The following LTBP1 variants were observed in gnomAD, a reference collection of about 807,000 sequenced individuals.
The protein encoded by LTBP1 is latent transforming growth factor beta binding protein 1, also known as latent-transforming growth factor beta-binding protein 1.
Under a neutral mutation model 207.6 loss-of-function variants are expected in LTBP1, and 129 were observed. The observed-to-expected ratio is 0.62, with a 90% CI of 0.54 to 0.72. LTBP1 has a LOEUF of 0.72. LTBP1 is among the 30% of genes least tolerant of loss of function. LTBP1 has a pLI of 0.00. For missense variants in LTBP1, 2,281 were observed against 2,217.2 expected, an observed-to-expected ratio of 1.03 and a Z score of -0.58; for synonymous variants, 963 against 833.7, an observed-to-expected ratio of 1.16 and a Z score of -2.67.
intron 5 of LTBP1, among the ~76,000 whole-genome samples, chr2:33,165,615 G>A (rs2084845535): frequency 2.0e-5 from 3 of 152,154 alleles, no homozygotes; most frequent in African/African-American, 7.2e-5. Flanking sequence ...CTCCCAGTAT[G>A]GGGACCTTCT....
At chr2:33,051,389 C>A (rs758556765) in intron 3 of LTBP1, among the ~76,000 whole-genome samples, 1 of 151,980 alleles carries the variant, frequency 6.6e-6, no homozygotes, top group Admixed American at 6.6e-5. Context: ...TTAACTCCAA[C>A]CTGGGTTTCA....
intron 2 of LTBP1, among the ~76,000 whole-genome samples, chr2:32,974,963 T>C (rs537764049): frequency 6.6e-6 from 1 of 152,206 alleles, no homozygotes; most frequent in East Asian, 1.9e-4. Flanking sequence ...GTAGTTGCTT[T>C]ATAGTGTCAA....
intron 24 of LTBP1, among the ~76,000 whole-genome samples, chr2:33,331,915 A>T (rs543566982): frequency 6.6e-6 from 1 of 152,166 alleles, no homozygotes. Context: ...TGAGAATTGC[A>T]GTGACCTCCT....
At chr2:33,228,655 A>G (rs1044781274) in intron 9 of LTBP1, among the ~76,000 whole-genome samples, 10 of 150,554 alleles carry the variant, frequency 6.6e-5, no homozygotes, top group Admixed American at 2.0e-4. Context: ...TAACTTTCCC[A>G]GGGTCACAAA....
intron 31 of LTBP1, among the ~76,000 whole-genome samples, chr2:33,371,175 A>G (rs1166715343): frequency 1.3e-5 from 2 of 152,142 alleles, no homozygotes; most frequent in Middle Eastern, 3.2e-3. Flanking sequence ...TCCCATTTCA[A>G]TGCTCCACTA....
chr2:33,364,171 A>G lies in LTBP1; in HGVS notation c.4400-45A>G, dbSNP rs187500089. The G allele has an allele frequency of 3.7e-6, 6 of 1,602,142 alleles. No individual in the cohort carries two copies. The African/African-American group carries it at 5.4e-5, about 14-fold the overall frequency. On this transcript the variant is annotated intron_variant, in intron 29 of 33. Coordinates refer to ENST00000404816, the MANE Select transcript of LTBP1 (RefSeq NM_206943.4). ...AAGTTTGGGAAGTGTATGAGGTACA[A>G]CTGATGGCTGATTTTCTTTAGTAAT...
chr2:33,264,861 C>T (rs1232676979), intron 15 of LTBP1, among the ~76,000 whole-genome samples: 1 of 152,128 alleles, frequency 6.6e-6, no homozygotes, highest in East Asian at 1.9e-4. Context: ...TCACACCATT[C>T]TGAAGGCTGA....
At chr2:33,209,092 C>T (rs1003348173) in intron 7 of LTBP1, among the ~76,000 whole-genome samples, 3 of 151,972 alleles carry the variant, frequency 2.0e-5, no homozygotes, top group African/African-American at 4.8e-5. Flanking sequence ...AGGCTGGTTT[C>T]GAACTCCTGA....
intron 9 of LTBP1, among the ~76,000 whole-genome samples, chr2:33,228,055 T>C (rs1248026239): frequency 1.3e-5 from 2 of 152,034 alleles, no homozygotes; most frequent in East Asian, 3.9e-4. Flanking sequence ...TCCGCCCGCC[T>C]CGGCCTCCCA....
chr2:33,265,914 C>G (rs756193663), intron 15 of LTBP1, among the ~76,000 whole-genome samples: 1 of 152,164 alleles, frequency 6.6e-6, no homozygotes, highest in Non-Finnish European at 1.5e-5. Context: ...AGAATATTCC[C>G]TCCTCAGAAA....
rs781521293 is a variant in LTBP1, at chr2:33,300,468, C to T, written c.3253C>T (p.Gln1085Ter). ...KHCRDIDECQ[Q>*]GNLCVNGQCK... ...GTTTGCAGATATTGATGAATGTCAG[C>T]AAGGGAATCTATGTGTAAACGGGCA... The change falls in exon 21 of 34, where the codon CAA (glutamine) becomes TAA (stop). Residue 1085 changes from glutamine to a stop codon, truncating the protein, a stop_gained. Transcript: ENST00000404816. LOFTEE classifies it high-confidence loss of function. 1 of 1,613,352 alleles carries T rather than the reference C, an allele frequency of 6.2e-7. No homozygotes were observed.
rs190745372 is a variant in LTBP1, at chr2:33,319,598, C to T, written c.3730+4329C>T. Among the ~76,000 whole-genome samples, 108 of 152,170 alleles carry T rather than the reference C, an allele frequency of 7.1e-4. 1 individual carries two copies. The highest frequency in any genetic ancestry group is 8.5e-4 in the Admixed American group (13 of 15,290). On this transcript the variant is annotated intron_variant, in intron 24 of 33. Coordinates refer to ENST00000404816, the MANE Select transcript of LTBP1 (RefSeq NM_206943.4). Reference sequence around the variant, plus strand: ...ACTTTGTGTCACCTCTTTTCCATGCCTCCTTCCTTGCTGCACTTGGCCAGG... The same window carrying T: ...ACTTTGTGTCACCTCTTTTCCATGCTTCCTTCCTTGCTGCACTTGGCCAGG...
chr2:33,106,442 C>T (rs1232958748), intron 3 of LTBP1, among the ~76,000 whole-genome samples: 1 of 152,178 alleles, frequency 6.6e-6, no homozygotes, highest in Admixed American at 6.5e-5. Flanking sequence ...CAATGCATTT[C>T]TTAGATAGGA....
chr2:33,025,379 G>T (rs575293016), intron 3 of LTBP1, among the ~76,000 whole-genome samples: 12 of 152,224 alleles, frequency 7.9e-5, no homozygotes, highest in South Asian at 4.1e-4. Context: ...AGCTCTAAAG[G>T]TTGCTTGAAA....
chr2:33,355,911 CT>C (rs2094852570), intron 26 of LTBP1, among the ~76,000 whole-genome samples: 1 of 150,458 alleles, frequency 6.6e-6, no homozygotes, highest in South Asian at 2.1e-4. Flanking sequence ...GAGAGATCCT[CT>C]TTTAAAGTGT....
At chr2:32,984,766 C>CAA (rs35404252) in intron 2 of LTBP1, among the ~76,000 whole-genome samples, 20 of 143,168 alleles carry the variant, frequency 1.4e-4, no homozygotes, top group Non-Finnish European at 1.7e-4. Flanking sequence ...ACTAAAAATA[C>CAA]AAAAAAAAAA....
chr2:32,961,082 A>C (rs551981699), intron 2 of LTBP1, among the ~76,000 whole-genome samples: 11 of 152,356 alleles, frequency 7.2e-5, no homozygotes, highest in Admixed American at 4.6e-4. Context: ...GGCATGGAAA[A>C]ATATCTTACG....
At chr2:33,126,149 C>G (rs1356032382) in intron 4 of LTBP1, among the ~76,000 whole-genome samples, 1 of 152,002 alleles carries the variant, frequency 6.6e-6, no homozygotes, top group Admixed American at 6.6e-5. Context: ...AGTGAGTGAT[C>G]CAACAGAGAC....
intron 18 of LTBP1, among the ~76,000 whole-genome samples, chr2:33,277,733 AAG>A (rs1178501149): frequency 1.4e-5 from 2 of 139,466 alleles, no homozygotes; most frequent in East Asian, 3.9e-4. Context: ...ACCCCCAACA[AAG>A]AAGTCAAATA....
Sources: allele counts gnomAD v4.1 joint callset (sites outside exome capture counted in the v4.1 genomes callset), GRCh38; gene constraint gnomAD v4.1.1; transcripts MANE v1.5; gene names NCBI Gene and HGNC (gene_info 2026-07-23, HGNC 2026-07-21).